Variants in MGAT4C observed in about 807,000 individuals in gnomAD.
MGAT4C encodes MGAT4 family member C.
In MGAT4C, 19 loss-of-function variants were observed where a neutral mutation model predicts 40.1. That is an observed-to-expected ratio of 0.47 (90% CI 0.33 to 0.70). The LOEUF (loss-of-function observed/expected upper bound fraction) is 0.70, where lower values mean the gene tolerates loss of function less well. Ranked by LOEUF, MGAT4C falls within the 30% of genes least tolerant of loss-of-function variation. The pLI is 0.02. For synonymous variants in MGAT4C, 181 were observed against 187.1 expected, an observed-to-expected ratio of 0.97 and a Z score of 0.27; for missense variants, 491 against 563.2, an observed-to-expected ratio of 0.87 and a Z score of 1.30.
At chr12:85,985,407 T>G (rs1178027808) in intron 3 of MGAT4C, among the ~76,000 whole-genome samples, 1 of 152,216 alleles carries the variant, frequency 6.6e-6, no homozygotes, top group African/African-American at 2.4e-5. Context: ...GCTTCCAATA[T>G]GGTCCTTACT....
intron 2 of MGAT4C, among the ~76,000 whole-genome samples, chr12:86,694,635 G>A (rs928143571): frequency 5.9e-5 from 9 of 152,044 alleles, no homozygotes; most frequent in East Asian, 3.9e-4. Context: ...AGAAGTGACC[G>A]CAATCTTCTC....
intron 3 of MGAT4C, among the ~76,000 whole-genome samples, chr12:86,340,897 T>C (rs1954892451): frequency 6.6e-6 from 1 of 152,158 alleles, no homozygotes; most frequent in South Asian, 2.1e-4. Flanking sequence ...GGCCCAAGTT[T>C]AACCTGGTTG....
chr12:86,416,516 G>A (rs1275192210), intron 3 of MGAT4C, among the ~76,000 whole-genome samples: 1 of 152,052 alleles, frequency 6.6e-6, no homozygotes, highest in Admixed American at 6.6e-5. Context: ...GATATTGGCA[G>A]CAATCTTATT....
chr12:86,075,075 A>C (rs1189701651), intron 1 of MGAT4C, among the ~76,000 whole-genome samples: 1 of 152,132 alleles, frequency 6.6e-6, no homozygotes, highest in African/African-American at 2.4e-5. Context: ...TTAACCCAAA[A>C]GTCCACAGTC....
intron 1 of MGAT4C, among the ~76,000 whole-genome samples, chr12:86,142,866 C>T (rs186102393): frequency 1.4e-4 from 22 of 151,850 alleles, no homozygotes; most frequent in East Asian, 1.4e-3. Flanking sequence ...CTGTATTTGG[C>T]GATAGATCTT....
At chr12:86,191,632 A>AACAAACAC (rs1320515865) in intron 1 of MGAT4C, among the ~76,000 whole-genome samples, 1 of 121,920 alleles carries the variant, frequency 8.2e-6, no homozygotes, top group Non-Finnish European at 1.8e-5. Flanking sequence ...CAAAAAACAA[A>AACAAACAC]ACACACACAC....
chr12:86,767,412 C>T (rs1951532972), intron 1 of MGAT4C, among the ~76,000 whole-genome samples: 1 of 152,294 alleles, frequency 6.6e-6, no homozygotes, highest in African/African-American at 2.4e-5. Context: ...CAGATGGATT[C>T]ACAGCTGAAT....
chr12:86,093,555 C>T (rs1167029935), intron 1 of MGAT4C, among the ~76,000 whole-genome samples: 1 of 151,982 alleles, frequency 6.6e-6, no homozygotes, highest in Admixed American at 6.6e-5. Context: ...ATGGTGAAAC[C>T]CTGTCTCTAC....
intron 3 of MGAT4C, among the ~76,000 whole-genome samples, chr12:86,384,811 T>C (rs1956020986): frequency 6.6e-6 from 1 of 152,176 alleles, no homozygotes; most frequent in Admixed American, 6.5e-5. Context: ...TAAGTTCGTA[T>C]CTTCTACTCC....
At chr12:86,685,748 C>T (rs1159365597) in intron 2 of MGAT4C, among the ~76,000 whole-genome samples, 1 of 152,136 alleles carries the variant, frequency 6.6e-6, no homozygotes, top group East Asian at 1.9e-4. Flanking sequence ...GTTCTTCACA[C>T]CGCTTGTAAG....
At chr12:86,017,742 C>T (rs973035332) in intron 2 of MGAT4C, among the ~76,000 whole-genome samples, 13 of 152,112 alleles carry the variant, frequency 8.5e-5, no homozygotes. Context: ...GCTGGGCCAT[C>T]TACTTATCTT....
At chr12:86,544,872 C>T (rs999058080) in intron 2 of MGAT4C, among the ~76,000 whole-genome samples, 2 of 151,916 alleles carry the variant, frequency 1.3e-5, no homozygotes, top group Non-Finnish European at 2.9e-5. Context: ...ATACATTATT[C>T]TTAGAGATAT....
chr12:86,781,818 G>A (rs907714673), intron 1 of MGAT4C, among the ~76,000 whole-genome samples: 2 of 152,030 alleles, frequency 1.3e-5, no homozygotes, highest in African/African-American at 4.8e-5. Context: ...TTCCATAGTT[G>A]TGGATGCCTT....
At chr12:86,052,617 G>C (rs1436385131) in intron 1 of MGAT4C, among the ~76,000 whole-genome samples, 1 of 151,860 alleles carries the variant, frequency 6.6e-6, no homozygotes, top group Non-Finnish European at 1.5e-5. Flanking sequence ...AAAATGTATT[G>C]CAGATTGGGA....
intron 2 of MGAT4C, among the ~76,000 whole-genome samples, chr12:86,705,216 CTCTATCTATCTATCTA>C (rs36154098): frequency 0.033 from 4,941 of 147,688 alleles, 115 homozygotes; most frequent in Non-Finnish European, 0.047. Flanking sequence ...TGTCTATTAT[CTCTATCTATCTATCTA>C]TCTATCTATC....
chr12:86,631,103 A>G lies in MGAT4C; in HGVS notation c.-229+96106T>C, dbSNP rs552650303. On this transcript the variant is annotated intron_variant, in intron 2 of 7. Coordinates refer to the MGAT4C transcript ENST00000548651. ...GCAAAAATCACAAGCATTCTTATAC[A>G]CCAACAACAGACAAACAGAGAGCCA... is the stretch of plus-strand genomic sequence containing the variant. Among the ~76,000 whole-genome samples, 86 of 152,292 alleles carry G rather than the reference A, an allele frequency of 5.6e-4. 2 individuals carry two copies. In the Middle Eastern group the frequency reaches 0.017, roughly 30 times the overall value.
chr12:86,612,126 A>G (rs1962301897), intron 2 of MGAT4C, among the ~76,000 whole-genome samples: 1 of 152,132 alleles, frequency 6.6e-6, no homozygotes, highest in South Asian at 2.1e-4. Context: ...CTCATCTTCT[A>G]CTATTCCACA....
chr12:86,491,418 C>G (rs1958131503), intron 2 of MGAT4C, among the ~76,000 whole-genome samples: 1 of 152,068 alleles, frequency 6.6e-6, no homozygotes, highest in South Asian at 2.1e-4. Flanking sequence ...CAAACTGAAT[C>G]CAGCAGCACA....
chr12:86,453,946 TC>T (rs1957467642), intron 2 of MGAT4C, among the ~76,000 whole-genome samples: 1 of 152,082 alleles, frequency 6.6e-6, no homozygotes, highest in South Asian at 2.1e-4. Context: ...ATTCTTATTA[TC>T]TACTTTATTA....
Sources: gnomAD v4.1 joint callset for allele counts (sites outside exome capture counted in the v4.1 genomes callset) on GRCh38, gnomAD v4.1.1 for gene constraint, MANE v1.5 for transcripts, NCBI Gene and HGNC (gene_info 2026-07-23, HGNC 2026-07-21) for gene names.